TIAM1: variants seen among roughly 807,000 people sequenced by gnomAD.
The protein encoded by TIAM1 is TIAM Rac1 associated GEF 1.
In TIAM1, 65 loss-of-function variants were observed where a neutral mutation model predicts 163.5. That is an observed-to-expected ratio of 0.40 (90% confidence interval 0.33 to 0.49). The LOEUF (loss-of-function observed/expected upper bound fraction) is 0.49. Among genes scored for constraint, TIAM1 ranks in the 20% least tolerant of loss-of-function variants. The pLI is 0.77. For missense variants in TIAM1, 1,789 were observed against 2,044.7 expected, an observed-to-expected ratio of 0.87 and a Z score of 2.41; for synonymous variants, 833 against 810.1, an observed-to-expected ratio of 1.03 and a Z score of -0.48.
chr21:31,136,085 A>T, intron 22 of TIAM1, 44 bp from the exon 23 acceptor site: 1 of 1,494,852 alleles, frequency 6.7e-7, no homozygotes, highest in Non-Finnish European at 9.2e-7. Context: ...TGGTGTTATC[A>T]ATACTCAGAT....
At chr21:31,165,162 A>G in intron 15 of TIAM1, 97 bp from the exon 16 acceptor site, 2 of 1,039,252 alleles carry the variant, frequency 1.9e-6, no homozygotes, top group Non-Finnish European at 2.9e-6. Flanking sequence ...CGCTCATGAC[A>G]TGTACATATA....
intron 2 of TIAM1, among the ~76,000 whole-genome samples, chr21:31,316,744 GGA>G (rs1181570270): frequency 1.3e-5 from 2 of 152,188 alleles, no homozygotes; most frequent in East Asian, 3.9e-4. Context: ...TGTCAACAGA[GGA>G]GAGAGTTTGG....
intron 2 of TIAM1, among the ~76,000 whole-genome samples, chr21:31,356,370 C>T (rs1229747766): frequency 6.6e-6 from 1 of 152,158 alleles, no homozygotes; most frequent in African/African-American, 2.4e-5. Context: ...ATCCCCCCCA[C>T]AGCTCACACC....
intron 16 of TIAM1, among the ~76,000 whole-genome samples, chr21:31,159,712 T>C (rs572943917): frequency 2.0e-4 from 30 of 152,360 alleles, no homozygotes; most frequent in Non-Finnish European, 4.0e-4. Flanking sequence ...GTACGCACTG[T>C]AGAAGTTTAA....
intron 14 of TIAM1, among the ~76,000 whole-genome samples, chr21:31,185,519 TGCTAA>T (rs2085252155): frequency 7.0e-6 from 1 of 143,042 alleles, no homozygotes; most frequent in African/African-American, 2.6e-5. Flanking sequence ...ATATATAATA[TGCTAA>T]TATAATATAT....
chr21:31,304,968 T>C (rs1396220122), intron 2 of TIAM1, among the ~76,000 whole-genome samples: 1 of 152,152 alleles, frequency 6.6e-6, no homozygotes, highest in South Asian at 2.1e-4. Flanking sequence ...GCTGGGATTA[T>C]AGGCGTGAGC....
chr21:31,518,978 T>A (rs1602474563), intron 1 of TIAM1, among the ~76,000 whole-genome samples: 2 of 152,156 alleles, frequency 1.3e-5, no homozygotes, highest in Admixed American at 6.5e-5. Context: ...GAGGATCACT[T>A]GAGGTCAGGA....
At chr21:31,365,836 C>A (rs1386097203) in intron 2 of TIAM1, among the ~76,000 whole-genome samples, 1 of 151,790 alleles carries the variant, frequency 6.6e-6, no homozygotes, top group Non-Finnish European at 1.5e-5. Flanking sequence ...GGCACGGAGG[C>A]TTATGCCTGT....
chr21:31,324,707 C>G (rs2075428542), intron 2 of TIAM1, among the ~76,000 whole-genome samples: 1 of 152,138 alleles, frequency 6.6e-6, no homozygotes, highest in Non-Finnish European at 1.5e-5. Flanking sequence ...CACAGGGCCC[C>G]TAACATTGCC....
intron 6 of TIAM1, among the ~76,000 whole-genome samples, chr21:31,242,117 C>T (rs1287633276): frequency 6.6e-6 from 1 of 152,138 alleles, no homozygotes; most frequent in Non-Finnish European, 1.5e-5. Context: ...TTTCAAGCAA[C>T]TATTTTGAAC....
In TIAM1 at chr21:31,171,062, A is replaced by AAC. The variant is rs1555879081; in HGVS notation, c.2888-5998_2888-5997insGT. ...AAAAAAAAAAAAAAAAAAAAAAAAA[A>AAC]TTGGGGGCCATCTGTATATGGAAAT... On this transcript the variant is annotated intron_variant, in intron 15 of 27. Transcript: ENST00000541036. Among the ~76,000 whole-genome samples, 185 of 119,302 alleles carry AAC rather than the reference A, an allele frequency of 1.6e-3. 22 individuals carry two copies. Among genetic ancestry groups the AAC allele is most frequent in the Non-Finnish European group, 2.6e-3 (143 of 55,824 alleles). 78.3% of individuals were successfully genotyped at this position (119,302 alleles called of 152,430 possible). A position where few individuals can be genotyped will look rare whatever the true frequency, so the allele number is the denominator to read the frequency against.
chr21:31,494,034 C>A (rs185197868), intron 1 of TIAM1, among the ~76,000 whole-genome samples: 21 of 152,310 alleles, frequency 1.4e-4, no homozygotes, highest in Non-Finnish European at 2.6e-4. Flanking sequence ...CATGCCTCAG[C>A]CTCCCCAGTA....
intron 4 of TIAM1, 49 bp downstream of exon 4, chr21:31,265,961 G>A (rs374396284): frequency 7.0e-6 from 11 of 1,582,142 alleles, no homozygotes; most frequent in Non-Finnish European, 9.5e-6. Context: ...TGCACTTAAA[G>A]AGTCATGCAC....
At chr21:31,333,201 A>T (rs550000637) in intron 2 of TIAM1, among the ~76,000 whole-genome samples, 36 of 152,316 alleles carry the variant, frequency 2.4e-4, no homozygotes, top group South Asian at 4.1e-4. Context: ...AGGGCTGAGG[A>T]TCTGGGTAGG....
intron 1 of TIAM1, among the ~76,000 whole-genome samples, chr21:31,471,247 T>G (rs1222665556): frequency 2.0e-5 from 3 of 152,126 alleles, no homozygotes; most frequent in African/African-American, 7.2e-5. Context: ...CCGGTGGGCA[T>G]CGGTCAGCCC....
chr21:31,447,540 G>T (rs563942434), intron 2 of TIAM1, among the ~76,000 whole-genome samples: 1 of 152,232 alleles, frequency 6.6e-6, no homozygotes, highest in South Asian at 2.1e-4. Context: ...CAATAAATTA[G>T]AATAAAGGAG....
At chr21:31,404,856 A>G (rs961404017) in intron 2 of TIAM1, among the ~76,000 whole-genome samples, 4 of 152,154 alleles carry the variant, frequency 2.6e-5, no homozygotes, top group African/African-American at 9.7e-5. Flanking sequence ...TTAAAAAAAC[A>G]CTCATGACAT....
chr21:31,288,561 G>A (rs985544783), intron 2 of TIAM1, among the ~76,000 whole-genome samples: 3 of 152,064 alleles, frequency 2.0e-5, no homozygotes, highest in Non-Finnish European at 4.4e-5. Context: ...AGGCCCCACC[G>A]CATGATACTA....
intron 2 of TIAM1, among the ~76,000 whole-genome samples, chr21:31,451,066 GAAA>G (rs75384560): frequency 7.1e-6 from 1 of 140,476 alleles, no homozygotes. Flanking sequence ...ATTCTCAGAG[GAAA>G]AAAAAAAAAA....
Sources: gnomAD v4.1 joint callset for allele counts (sites outside exome capture counted in the v4.1 genomes callset) on GRCh38, gnomAD v4.1.1 for gene constraint, MANE v1.5 for transcripts, NCBI Gene and HGNC (gene_info 2026-07-23, HGNC 2026-07-21) for gene names.